The following NRXN3 variants were observed in gnomAD, a reference collection of about 807,000 sequenced individuals.
NRXN3 encodes neurexin III.
Under a neutral mutation model 137.6 loss-of-function variants are expected in NRXN3, and 32 were observed. The ratio of observed to expected loss-of-function variants is 0.23; its 90% CI spans 0.18 to 0.31. The LOEUF (loss-of-function observed/expected upper bound fraction) is 0.31, where lower values mean the gene tolerates loss of function less well. NRXN3 is among the 10% of genes least tolerant of loss of function. The probability of loss-of-function intolerance (pLI) is 1.00; values close to 1 mark genes in which losing one functional copy is unlikely to be tolerated. For missense variants in NRXN3, 1,574 were observed against 2,062.5 expected, an observed-to-expected ratio of 0.76 and a Z score of 4.59; for synonymous variants, 798 against 784.5, an observed-to-expected ratio of 1.02 and a Z score of -0.29.
At chr14:79,338,218 A>T (rs201390102) in intron 15 of NRXN3, among the ~76,000 whole-genome samples, 1 of 141,148 alleles carries the variant, frequency 7.1e-6, no homozygotes, top group East Asian at 2.2e-4. Flanking sequence ...TGTGTATGTG[A>T]GTGTGTGTGT....
At chr14:78,576,288 G>C (rs1160546659) in intron 4 of NRXN3, among the ~76,000 whole-genome samples, 1 of 152,074 alleles carries the variant, frequency 6.6e-6, no homozygotes, top group Non-Finnish European at 1.5e-5. Flanking sequence ...TATCAGTCTT[G>C]ATTTATCCAT....
At chr14:79,019,603 A>G (rs1389680393) in intron 15 of NRXN3, among the ~76,000 whole-genome samples, 2 of 152,162 alleles carry the variant, frequency 1.3e-5, no homozygotes, top group Non-Finnish European at 2.9e-5. Context: ...GGTGGAAGCA[A>G]TGCACTTGAT....
chr14:78,856,517 G>A (rs1004074835), intron 10 of NRXN3, among the ~76,000 whole-genome samples: 13 of 151,986 alleles, frequency 8.6e-5, no homozygotes, highest in Non-Finnish European at 7.4e-5. Context: ...ATAGTCAATA[G>A]CAAAGTAAGA....
At chr14:78,411,249 G>A (rs1432648180) in intron 4 of NRXN3, among the ~76,000 whole-genome samples, 2 of 152,088 alleles carry the variant, frequency 1.3e-5, no homozygotes, top group African/African-American at 4.8e-5. Context: ...TAAGCATGTC[G>A]ATAGTGAATT....
chr14:78,636,472 A>T (rs2097567855), intron 4 of NRXN3, among the ~76,000 whole-genome samples: 1 of 152,116 alleles, frequency 6.6e-6, no homozygotes, highest in Admixed American at 6.5e-5. Flanking sequence ...CCCTTACTAC[A>T]GCACCAAGCA....
chr14:79,046,129 AT>A (rs1400345774), intron 15 of NRXN3, among the ~76,000 whole-genome samples: 1 of 152,216 alleles, frequency 6.6e-6, no homozygotes, highest in African/African-American at 2.4e-5. Flanking sequence ...GGTTTAAGCA[AT>A]GGAGTAACAT....
At chr14:79,712,576 C>T (rs1309810246) in intron 19 of NRXN3, among the ~76,000 whole-genome samples, 1 of 152,198 alleles carries the variant, frequency 6.6e-6, no homozygotes, top group Non-Finnish European at 1.5e-5. Flanking sequence ...AAACATTATA[C>T]TGTTATGACA....
chr14:78,436,491 T>C (rs1012893029), intron 4 of NRXN3, among the ~76,000 whole-genome samples: 1 of 152,056 alleles, frequency 6.6e-6, no homozygotes, highest in African/African-American at 2.4e-5. Flanking sequence ...AATGAGCAGA[T>C]TGGGGATTTT....
At chr14:79,195,463 C>T (rs1409422356) in intron 15 of NRXN3, among the ~76,000 whole-genome samples, 1 of 152,204 alleles carries the variant, frequency 6.6e-6, no homozygotes. Context: ...CATACTTTTA[C>T]TCTCTACTTT....
At chr14:79,286,458 A>T (rs996050338) in intron 15 of NRXN3, among the ~76,000 whole-genome samples, 5 of 151,262 alleles carry the variant, frequency 3.3e-5, no homozygotes, top group Non-Finnish European at 7.4e-5. Context: ...TTGAAAGTTC[A>T]TCTGAAAATA....
intron 10 of NRXN3, among the ~76,000 whole-genome samples, chr14:78,844,454 G>C: frequency 6.6e-6 from 1 of 152,160 alleles, no homozygotes; most frequent in Middle Eastern, 3.4e-3. Context: ...CTGAATTTAA[G>C]TTCTTGTTCT....
At chr14:79,717,904 C>T (rs1337139980) in intron 19 of NRXN3, among the ~76,000 whole-genome samples, 1 of 152,190 alleles carries the variant, frequency 6.6e-6, no homozygotes, top group African/African-American at 2.4e-5. Flanking sequence ...ATTCCACAAA[C>T]ATTTTTTTGG....
intron 20 of NRXN3, among the ~76,000 whole-genome samples, chr14:79,817,847 G>T (rs985690754): frequency 1.4e-4 from 22 of 152,216 alleles, no homozygotes; most frequent in African/African-American, 4.8e-4. Context: ...TAGTTATTAT[G>T]TATCAAAAAG....
chr14:79,594,464 A>G (rs1307450721), intron 16 of NRXN3, among the ~76,000 whole-genome samples: 9 of 152,218 alleles, frequency 5.9e-5, no homozygotes, highest in Non-Finnish European at 1.3e-4. Context: ...TAAAATAAAT[A>G]TTATATACTT....
At chr14:78,674,376 G>C (rs913327563) in intron 6 of NRXN3, among the ~76,000 whole-genome samples, 7 of 152,160 alleles carry the variant, frequency 4.6e-5, no homozygotes, top group Admixed American at 4.6e-4. Flanking sequence ...CCTGGCCAAT[G>C]CACCCTACTC....
chr14:78,409,349 T>C lies in NRXN3; in HGVS notation c.757+111489T>C, dbSNP rs76600654. On this transcript the variant is annotated intron_variant, in intron 4 of 20. Transcript: ENST00000335750. The stretch of plus-strand genomic sequence containing the variant: ...GTGAGGAAACTGGGACACTGTCTTG[T>C]TAAGTGTCTTGCCTGAAGTCACAGG... Among the ~76,000 whole-genome samples, 818 of 152,326 alleles carry C rather than the reference T, an allele frequency of 5.4e-3. 1 individual carries two copies. The highest frequency in any genetic ancestry group is 0.018 in the African/African-American group (767 of 41,572).
intron 10 of NRXN3, among the ~76,000 whole-genome samples, chr14:78,838,272 A>G (rs2099002482): frequency 6.6e-6 from 1 of 152,192 alleles, no homozygotes; most frequent in Admixed American, 6.6e-5. Flanking sequence ...ATGCTTTTAA[A>G]TCTATGATAA....
At chr14:79,514,533 A>G (rs188428267) in intron 16 of NRXN3, among the ~76,000 whole-genome samples, 26 of 152,272 alleles carry the variant, frequency 1.7e-4, no homozygotes, top group Admixed American at 1.4e-3. Flanking sequence ...CAACTTCTTC[A>G]TGGTAGTAAC....
intron 15 of NRXN3, among the ~76,000 whole-genome samples, chr14:79,197,760 G>A (rs1378090619): frequency 6.6e-6 from 1 of 152,144 alleles, no homozygotes; most frequent in Non-Finnish European, 1.5e-5. Flanking sequence ...AAACAACAAA[G>A]ATGTTTCCCG....
Sources: gnomAD v4.1 joint callset for allele counts (sites outside exome capture counted in the v4.1 genomes callset) on GRCh38, gnomAD v4.1.1 for gene constraint, MANE v1.5 for transcripts, NCBI Gene and HGNC (gene_info 2026-07-23, HGNC 2026-07-21) for gene names.